Variants in LRP1B observed in about 807,000 individuals in gnomAD.
LRP1B encodes low-density lipoprotein receptor-related protein 1B.
A neutral mutation model predicts 556.6 loss-of-function variants in LRP1B; 217 were observed. That is an observed-to-expected ratio of 0.39 (90% CI 0.35 to 0.44). LRP1B has a LOEUF of 0.44. Among genes scored for constraint, LRP1B ranks in the 20% least tolerant of loss-of-function variants. The pLI is 1.00. For synonymous variants in LRP1B, 2,047 were observed against 1,865.8 expected, an observed-to-expected ratio of 1.10 and a Z score of -2.50; for missense variants, 5,053 against 5,620.8, an observed-to-expected ratio of 0.90 and a Z score of 3.23.
intron 24 of LRP1B, among the ~76,000 whole-genome samples, chr2:140,884,446 C>T (rs1174843182): frequency 6.6e-6 from 1 of 152,268 alleles, no homozygotes; most frequent in East Asian, 1.9e-4. Flanking sequence ...AAAAAGCCCA[C>T]CAGAGCTAAG....
chr2:141,266,018 A>C (rs1196331358), intron 3 of LRP1B, among the ~76,000 whole-genome samples: 1 of 152,136 alleles, frequency 6.6e-6, no homozygotes, highest in African/African-American at 2.4e-5. Flanking sequence ...CTTCTGTGTC[A>C]GGGAGAGTAG....
At chr2:141,333,828 T>C (rs1687747114) in intron 3 of LRP1B, among the ~76,000 whole-genome samples, 1 of 152,206 alleles carries the variant, frequency 6.6e-6, no homozygotes, top group Non-Finnish European at 1.5e-5. Flanking sequence ...GAATTTTTTA[T>C]GTATATTCTT....
intron 6 of LRP1B, among the ~76,000 whole-genome samples, chr2:141,209,326 C>A (rs1404081906): frequency 6.6e-6 from 1 of 152,096 alleles, no homozygotes; most frequent in Non-Finnish European, 1.5e-5. Context: ...GCTTTCTCCC[C>A]TTTTGCTGGG....
intron 41 of LRP1B, among the ~76,000 whole-genome samples, chr2:140,621,823 C>T (rs1489454061): frequency 6.6e-6 from 1 of 152,198 alleles, no homozygotes; most frequent in Non-Finnish European, 1.5e-5. Context: ...AGATGGATTA[C>T]ATCCCGCAGA....
At chr2:140,307,314 G>GTAAAACTT (rs1558788207) in intron 83 of LRP1B, among the ~76,000 whole-genome samples, 3 of 151,840 alleles carry the variant, frequency 2.0e-5, no homozygotes, top group Admixed American at 6.6e-5. Flanking sequence ...CTGCCACATA[G>GTAAAACTT]CCAGTCCACA....
chr2:141,235,553 G>C (rs1008377193), intron 5 of LRP1B, among the ~76,000 whole-genome samples: 1 of 152,030 alleles, frequency 6.6e-6, no homozygotes, highest in East Asian at 1.9e-4. Context: ...ATGGATAAAA[G>C]AAAGTCAAGC....
intron 81 of LRP1B, 75 bp from the exon 82 acceptor site, chr2:140,322,163 G>A (rs906009571): frequency 3.6e-6 from 5 of 1,380,306 alleles, no homozygotes; most frequent in African/African-American, 1.5e-5. Flanking sequence ...AATTAAATAA[G>A]GCGAAATGAT....
At position 140,364,742 on chromosome 2, in the gene LRP1B, A is replaced by T; in HGVS notation, c.11050T>A (p.Ser3684Thr). 1 of 1,609,942 alleles carries T rather than the reference A, an allele frequency of 6.2e-7. No individual in the cohort carries two copies. Residue 3684 changes from serine to threonine, a missense_variant, in exon 72 of 91, where the codon TCT becomes ACT. By Grantham distance (58) the Ser-to-Thr change is moderately conservative. Around this residue, in one of 5 missense-constraint regions of LRP1B, gnomAD observed 599 missense variants for 648.4 expected, o/e 0.92. Transcript: ENST00000389484. Reference sequence around the variant, plus strand: ...ACCCAGAAATGTAGTTTGCAGAGAGAATTATTGCAAAGGAACTCATCAGCT... The same window carrying T: ...ACCCAGAAATGTAGTTTGCAGAGAGTATTATTGCAAAGGAACTCATCAGCT... ...CRADEFLCNN[S>T]LCKLHFWVCD...
intron 2 of LRP1B, among the ~76,000 whole-genome samples, chr2:141,808,745 C>T (rs1322941748): frequency 1.3e-5 from 2 of 152,084 alleles, no homozygotes; most frequent in African/African-American, 4.8e-5. Flanking sequence ...CATTCCCTTG[C>T]CTGTGTCCCA....
intron 77 of LRP1B, among the ~76,000 whole-genome samples, chr2:140,338,850 G>A (rs1365465421): frequency 6.6e-6 from 1 of 151,622 alleles, no homozygotes; most frequent in Non-Finnish European, 1.5e-5. Flanking sequence ...CCAGATTGGA[G>A]AGAAGAAAAT....
intron 32 of LRP1B, among the ~76,000 whole-genome samples, chr2:140,807,205 A>G (rs1474844955): frequency 6.6e-6 from 1 of 152,200 alleles, no homozygotes; most frequent in Non-Finnish European, 1.5e-5. Context: ...GTAACTGAAT[A>G]CTAGGTAATC....
At chr2:140,540,857 T>G in intron 45 of LRP1B, 116 bp downstream of exon 45, 1 of 1,152,746 alleles carries the variant, frequency 8.7e-7, no homozygotes, top group South Asian at 1.6e-5. Context: ...ATAACATGAC[T>G]AAGCTTCTAA....
intron 72 of LRP1B, among the ~76,000 whole-genome samples, chr2:140,361,547 C>T (rs1434886029): frequency 3.3e-5 from 5 of 150,710 alleles, no homozygotes; most frequent in Admixed American, 6.7e-5. Flanking sequence ...TTCTGGAACT[C>T]ATTTTCCCAT....
intron 2 of LRP1B, among the ~76,000 whole-genome samples, chr2:141,791,655 T>C (rs1460633896): frequency 2.6e-5 from 4 of 151,978 alleles, no homozygotes; most frequent in Admixed American, 2.6e-4. Flanking sequence ...TTCTTCACTC[T>C]GTGGGTGATT....
intron 1 of LRP1B, among the ~76,000 whole-genome samples, chr2:141,891,603 A>G (rs1174899827): frequency 6.6e-6 from 1 of 152,172 alleles, no homozygotes; most frequent in Non-Finnish European, 1.5e-5. Flanking sequence ...TACTTTGTCA[A>G]TAAATCTACA....
Position 140,802,832 on chromosome 2 carries a change from C to T in LRP1B, c.5359+10825G>A, listed in dbSNP as rs139709966. 6.3e-3 allele frequency among the ~76,000 whole-genome samples: 952 copies of T among 152,092 alleles called. 11 individuals are homozygous for T. Among genetic ancestry groups the T allele is most frequent in the African/African-American group, 0.02 (839 of 41,430 alleles). On this transcript the variant is annotated intron_variant, in intron 32 of 90. Transcript: ENST00000389484. Reference sequence around the variant, plus strand: ...TAAATTCAAGACCATTTTTAAAAACCCTCAAAGGTGCAGTTTTCAACGAGT... The same window carrying T: ...TAAATTCAAGACCATTTTTAAAAACTCTCAAAGGTGCAGTTTTCAACGAGT...
chr2:141,260,977 T>C (rs779434289), intron 3 of LRP1B, among the ~76,000 whole-genome samples: 1 of 152,176 alleles, frequency 6.6e-6, no homozygotes, highest in Non-Finnish European at 1.5e-5. Context: ...AAAATTATTC[T>C]TTCCCTATGT....
intron 2 of LRP1B, among the ~76,000 whole-genome samples, chr2:141,495,777 C>T (rs1364399845): frequency 1.3e-5 from 2 of 151,934 alleles, no homozygotes; most frequent in African/African-American, 2.4e-5. Context: ...TAATGCTCTC[C>T]TATAAGCAAC....
intron 86 of LRP1B, among the ~76,000 whole-genome samples, chr2:140,263,451 A>G (rs966249491): frequency 6.6e-6 from 1 of 152,040 alleles, no homozygotes; most frequent in South Asian, 2.1e-4. Context: ...CCTATTTTCT[A>G]CTTATTTTTC....
Sources: allele counts gnomAD v4.1 joint callset (sites outside exome capture counted in the v4.1 genomes callset), GRCh38; gene constraint gnomAD v4.1.1; regional missense constraint gnomAD v4.1.1; transcripts MANE v1.5; gene names NCBI Gene and HGNC (gene_info 2026-07-23, HGNC 2026-07-21).